UPRT: variants seen among roughly 807,000 people sequenced by gnomAD.
UPRT encodes the protein uracil phosphoribosyltransferase homolog.
In UPRT, 5 loss-of-function variants were observed where a neutral mutation model predicts 22.6. The observed-to-expected ratio is 0.22, with a 90% confidence interval of 0.12 to 0.47. The LOEUF is 0.47. UPRT is among the 20% of genes least tolerant of loss of function. The pLI, the probability that UPRT is intolerant of heterozygous loss-of-function variation, is 0.99. For missense variants in UPRT, 181 were observed against 239.9 expected (o/e 0.75, Z 1.62); for synonymous variants, 77 against 87.7 (o/e 0.88, Z 0.68).
chrX:75,282,924 G>A (rs1296884720), intron 1 of UPRT, among the ~76,000 whole-genome samples: 1 of 111,775 alleles, frequency 8.9e-6, no homozygotes, highest in Non-Finnish European at 1.9e-5. Flanking sequence ...TCTTAGGTCT[G>A]TTAGTAATTG....
intron 4 of UPRT, among the ~76,000 whole-genome samples, chrX:75,187,705 G>A (rs1253752560): frequency 1.8e-5 from 2 of 111,566 alleles, no homozygotes; most frequent in African/African-American, 6.5e-5. Context: ...CATATTTCTT[G>A]GAGGCTTTGT....
intron 4 of UPRT, among the ~76,000 whole-genome samples, chrX:75,177,761 C>T (rs988319255): frequency 2.5e-4 from 28 of 112,025 alleles, no homozygotes; most frequent in East Asian, 8.4e-4. Flanking sequence ...CCCACTACAA[C>T]GGGGCTTTGG....
intron 4 of UPRT, among the ~76,000 whole-genome samples, chrX:75,268,306 C>A (rs762068175): frequency 9.9e-5 from 11 of 111,399 alleles, no homozygotes; most frequent in African/African-American, 6.5e-5. Context: ...CAGACAGATT[C>A]ACAGCCAAAA....
At chrX:75,159,863 G>A (rs1048722561) in intron 1 of UPRT, among the ~76,000 whole-genome samples, 8 of 98,011 alleles carry the variant, frequency 8.2e-5, no homozygotes, top group Non-Finnish European at 1.4e-4. Flanking sequence ...TGCAACTTTC[G>A]CCTCCCGGGT....
At position 75,231,054 on chromosome X, in the gene UPRT, C is replaced by CT. The variant is rs2056607937; in HGVS notation, c.-446-59970_-446-59969insT. Among the ~76,000 whole-genome samples the CT allele has an allele frequency of 2.7e-5, 3 of 109,985 alleles. No individual in the cohort carries two copies. The South Asian group carries it at 1.2e-3, about 43-fold the overall frequency. On this transcript the variant is annotated intron_variant, in intron 4 of 13. Coordinates refer to the UPRT transcript ENST00000652605. ...ATGACAAAACAAGGATCTATAAAAC[C>CT]CCAAAAGATCACACTAGCTCTCCAG...
intron 1 of UPRT, among the ~76,000 whole-genome samples, chrX:75,159,807 C>G (rs57925277): frequency 0.029 from 2,567 of 87,018 alleles, 105 homozygotes; most frequent in African/African-American, 0.11. Flanking sequence ...GATGGAGTCT[C>G]ACTCAGTTGC....
At chrX:75,286,090 GCT>G (rs2082678531) in intron 1 of UPRT, among the ~76,000 whole-genome samples, 1 of 110,822 alleles carries the variant, frequency 9.0e-6, no homozygotes, top group South Asian at 3.8e-4. Context: ...TGCCGGAAAA[GCT>G]TTTTTTGTTG....
chrX:75,220,339 C>G (rs771330046), intron 4 of UPRT, among the ~76,000 whole-genome samples: 7 of 110,937 alleles, frequency 6.3e-5, no homozygotes, highest in Non-Finnish European at 1.1e-4. Context: ...ATCAATGCAT[C>G]TTGATTTTTA....
At chrX:75,239,489 A>G (rs1160373313) in intron 4 of UPRT, among the ~76,000 whole-genome samples, 5 of 111,626 alleles carry the variant, frequency 4.5e-5, no homozygotes, top group African/African-American at 6.5e-5. Context: ...GTCCAGGAGC[A>G]GATGCATTCA....
intron 4 of UPRT, among the ~76,000 whole-genome samples, chrX:75,236,481 G>A (rs1185696836): frequency 7.2e-5 from 8 of 111,547 alleles, no homozygotes; most frequent in Non-Finnish European, 1.3e-4. Flanking sequence ...AAAGGAGCCC[G>A]CATTGCCAAG....
At chrX:75,180,681 G>GTTTTTTTTTTTTTTTT (rs59522302) in intron 4 of UPRT, among the ~76,000 whole-genome samples, 1 of 43,893 alleles carries the variant, frequency 2.3e-5, no homozygotes, top group African/African-American at 9.2e-5. Flanking sequence ...CCTTTTCTCT[G>GTTTTTTTTTTTTTTTT]TTTTTTTTTT....
chrX:75,235,945 C>T (rs1237215235), intron 4 of UPRT, among the ~76,000 whole-genome samples: 2 of 110,903 alleles, frequency 1.8e-5, no homozygotes, highest in Admixed American at 9.7e-5. Context: ...AAGTTCTGGC[C>T]AGGGCAATGA....
chrX:75,187,210 C>G (rs1033399731), intron 4 of UPRT, among the ~76,000 whole-genome samples: 1 of 111,294 alleles, frequency 9.0e-6, no homozygotes, highest in Admixed American at 9.6e-5. Flanking sequence ...TCTTTTAGGG[C>G]AGGCCTGGTG....
intron 4 of UPRT, among the ~76,000 whole-genome samples, chrX:75,239,340 G>A (rs975419816): frequency 8.1e-5 from 9 of 111,053 alleles, no homozygotes; most frequent in African/African-American, 2.3e-4. Flanking sequence ...CTTTATGTGC[G>A]AAAATTAGAA....
At chrX:75,279,837 A>G (rs1290340061) in intron 1 of UPRT, among the ~76,000 whole-genome samples, 2 of 110,568 alleles carry the variant, frequency 1.8e-5, no homozygotes, top group Admixed American at 1.9e-4. Flanking sequence ...CCATTATATT[A>G]TTCTTATATC....
intron 1 of UPRT, among the ~76,000 whole-genome samples, chrX:75,277,021 TG>T (rs1200521057): frequency 8.9e-6 from 1 of 112,365 alleles, no homozygotes; most frequent in Non-Finnish European, 1.9e-5. Context: ...GTGGTCATTT[TG>T]TGACTCATTT....
chrX:75,267,030 C>T (rs981602614), intron 4 of UPRT, among the ~76,000 whole-genome samples: 3 of 111,175 alleles, frequency 2.7e-5, no homozygotes, highest in African/African-American at 9.8e-5. Context: ...GACAGTATGG[C>T]GATTCGTCAA....
chrX:75,233,300 C>T (rs888339187), intron 4 of UPRT, among the ~76,000 whole-genome samples: 1 of 111,092 alleles, frequency 9.0e-6, no homozygotes, highest in Non-Finnish European at 1.9e-5. Flanking sequence ...AAGACCAAAT[C>T]TACGTCTGAT....
At chrX:75,245,743 A>G (rs1270957784) in intron 4 of UPRT, among the ~76,000 whole-genome samples, 1 of 111,749 alleles carries the variant, frequency 8.9e-6, no homozygotes, top group East Asian at 2.8e-4. Context: ...CTAAACACTG[A>G]GTACATATAG....
Sources: allele counts gnomAD v4.1 joint callset (sites outside exome capture counted in the v4.1 genomes callset), GRCh38; gene constraint gnomAD v4.1.1; transcripts MANE v1.5; gene names NCBI Gene and HGNC (gene_info 2026-07-23, HGNC 2026-07-21).